Variants in FHOD3 observed in about 807,000 individuals in gnomAD.
The protein encoded by FHOD3 is formin homology 2 domain containing 3.
A neutral mutation model predicts 173.0 loss-of-function variants in FHOD3; 90 were observed. The ratio of observed to expected loss-of-function variants is 0.52; its 90% CI spans 0.44 to 0.62. The LOEUF is 0.62. FHOD3 is among the 20% of genes least tolerant of loss of function. The probability of loss-of-function intolerance (pLI) is 0.00; values close to 1 mark genes in which losing one functional copy is unlikely to be tolerated. For synonymous variants in FHOD3, 828 were observed against 823.0 expected (o/e 1.01, Z -0.10); for missense variants, 1,945 against 2,034.7 (o/e 0.96, Z 0.85).
intron 9 of FHOD3, among the ~76,000 whole-genome samples, chr18:36,619,735 G>A (rs1367915369): frequency 6.6e-6 from 1 of 152,224 alleles, no homozygotes; most frequent in East Asian, 1.9e-4. Context: ...CTCTAATGAG[G>A]TGCAGACAGC....
chr18:36,740,762 C>A lies in FHOD3; in HGVS notation c.3683C>A (p.Thr1228Asn). 1 of 1,614,080 alleles carries A rather than the reference C, an allele frequency of 6.2e-7. No individual in the cohort carries two copies. The highest frequency in any genetic ancestry group is 8.5e-7 in the Non-Finnish European group (1 of 1,180,018). Residue 1228 changes from threonine (T) to asparagine (N), a missense_variant, in exon 21 of 29, where the codon ACC becomes AAC. Physicochemically the swap from Thr to Asn is moderately conservative, Grantham distance 65. Transcript: ENST00000590592. ...PLGSAEQFLL[T>N]LSSISELSAR... is the part of the protein sequence containing the mutation. ...GGCAGTGCAGAGCAGTTCCTCCTCA[C>A]CCTGTCCTCCATCAGCGAGCTCTCT...
At chr18:36,349,209 C>T (rs1220111661) in intron 1 of FHOD3, among the ~76,000 whole-genome samples, 1 of 152,166 alleles carries the variant, frequency 6.6e-6, no homozygotes, top group Non-Finnish European at 1.5e-5. Context: ...CCGAGTCTTT[C>T]ACCCTCCAGT....
At chr18:36,662,438 G>A (rs1289808565) in intron 14 of FHOD3, among the ~76,000 whole-genome samples, 1 of 152,138 alleles carries the variant, frequency 6.6e-6, no homozygotes, top group Non-Finnish European at 1.5e-5. Context: ...GAAACCCAAA[G>A]GATCATATGC....
intron 20 of FHOD3, among the ~76,000 whole-genome samples, chr18:36,738,768 T>G (rs770368777): frequency 6.6e-6 from 1 of 152,252 alleles, no homozygotes; most frequent in Non-Finnish European, 1.5e-5. Flanking sequence ...TTCTGAACTG[T>G]CTGCTCTGTC....
chr18:36,620,664 A>G (rs1425620434), intron 9 of FHOD3, among the ~76,000 whole-genome samples: 2 of 152,236 alleles, frequency 1.3e-5, no homozygotes, highest in Non-Finnish European at 2.9e-5. Context: ...GATAGTGTCT[A>G]CCAGGTGCTG....
intron 2 of FHOD3, among the ~76,000 whole-genome samples, chr18:36,372,284 C>T (rs2047229981): frequency 6.6e-6 from 1 of 152,126 alleles, no homozygotes; most frequent in South Asian, 2.1e-4. Context: ...CCTATATCTG[C>T]CCCCAACCCC....
At chr18:36,609,530 A>G (rs1256086114) in intron 8 of FHOD3, among the ~76,000 whole-genome samples, 1 of 152,002 alleles carries the variant, frequency 6.6e-6, no homozygotes, top group African/African-American at 2.4e-5. Flanking sequence ...TGCGGAAATG[A>G]CAAATGACCT....
intron 3 of FHOD3, among the ~76,000 whole-genome samples, chr18:36,476,659 T>G (rs2145319233): frequency 6.6e-6 from 1 of 152,344 alleles, no homozygotes; most frequent in South Asian, 2.1e-4. Flanking sequence ...TCATGTCGAT[T>G]AGCTACTTCA....
chr18:36,361,702 GA>G (rs1306750418), intron 2 of FHOD3, among the ~76,000 whole-genome samples: 2 of 145,052 alleles, frequency 1.4e-5, no homozygotes, highest in Non-Finnish European at 3.0e-5. Context: ...AAAAAAAAAA[GA>G]AAAAAAAAGA....
At chr18:36,763,996 T>A (rs1397418164) in intron 27 of FHOD3, among the ~76,000 whole-genome samples, 1 of 152,234 alleles carries the variant, frequency 6.6e-6, no homozygotes, top group Non-Finnish European at 1.5e-5. Flanking sequence ...ATATTATGCT[T>A]TGGCAATGAA....
chr18:36,681,640 A>G (rs2038248682), intron 15 of FHOD3, 70 bp downstream of exon 15: 6 of 1,484,544 alleles, frequency 4.0e-6, no homozygotes, highest in Non-Finnish European at 2.7e-6. Flanking sequence ...TTACAACTGT[A>G]TACATTTAAT....
At chr18:36,700,170 A>C (rs2039504095) in intron 17 of FHOD3, among the ~76,000 whole-genome samples, 1 of 152,024 alleles carries the variant, frequency 6.6e-6, no homozygotes, top group Non-Finnish European at 1.5e-5. Flanking sequence ...GGGCCCTCGC[A>C]TTCCACCTGT....
rs193161235 is a variant in FHOD3, at chr18:36,434,169, A to G, written c.337+61425A>G. ...TTATGTTTGCCTATCTGAAGATCACAAAGATTTTATCCTCTGTTTTCTGGT... is the reference window on the plus strand; with the variant it reads ...TTATGTTTGCCTATCTGAAGATCACGAAGATTTTATCCTCTGTTTTCTGGT... On this transcript the variant is annotated intron_variant, in intron 3 of 28. Coordinates refer to ENST00000590592, the MANE Select transcript of FHOD3 (RefSeq NM_001281740.3). Among the ~76,000 whole-genome samples, 8 of 152,344 alleles carry G rather than the reference A, an allele frequency of 5.3e-5. No individual in the cohort carries two copies. The East Asian group carries it at 9.6e-4, about 18-fold the overall frequency.
intron 3 of FHOD3, among the ~76,000 whole-genome samples, chr18:36,501,018 C>G (rs1434512488): frequency 6.6e-6 from 1 of 152,150 alleles, no homozygotes; most frequent in Non-Finnish European, 1.5e-5. Flanking sequence ...TCACTCTGGC[C>G]AGCTAGTAAT....
Position 36,678,756 on chromosome 18 carries a change from T to C in FHOD3, c.1836-2680T>C, listed in dbSNP as rs112977188. ...GTTTTTCTCCAATAAACTATTAACG[T>C]GGTAAATTGTATTCATTTATACTGT... On this transcript the variant is annotated intron_variant, in intron 14 of 28. Coordinates refer to ENST00000590592, the MANE Select transcript of FHOD3 (RefSeq NM_001281740.3). Among the ~76,000 whole-genome samples the C allele has an allele frequency of 4.9e-3, 743 of 152,156 alleles. 7 individuals carry two copies. The highest frequency in any genetic ancestry group is 0.034 in the Middle Eastern group (10 of 294).
intron 18 of FHOD3, among the ~76,000 whole-genome samples, chr18:36,712,870 G>A (rs953707481): frequency 1.3e-4 from 20 of 151,294 alleles, no homozygotes; most frequent in Admixed American, 1.2e-3. Context: ...TTTGTAAGAG[G>A]CTAGAAAGAA....
intron 25 of FHOD3, among the ~76,000 whole-genome samples, chr18:36,758,545 A>C (rs991853277): frequency 6.6e-6 from 1 of 151,994 alleles, no homozygotes; most frequent in Non-Finnish European, 1.5e-5. Context: ...CTGCTGGAGC[A>C]GTTGTCTCAC....
intron 17 of FHOD3, among the ~76,000 whole-genome samples, chr18:36,701,228 TGGAGGAC>T (rs2039572234): frequency 6.6e-6 from 1 of 152,118 alleles, no homozygotes; most frequent in Non-Finnish European, 1.5e-5. Flanking sequence ...GAGCCATGGG[TGGAGGAC>T]ACATCTTTGA....
At chr18:36,695,493 A>T (rs762116238) in intron 17 of FHOD3, among the ~76,000 whole-genome samples, 40 of 152,218 alleles carry the variant, frequency 2.6e-4, no homozygotes, top group Non-Finnish European at 4.4e-4. Flanking sequence ...TTGAATCTGC[A>T]TATAACCAAG....
Sources: allele counts gnomAD v4.1 joint callset (sites outside exome capture counted in the v4.1 genomes callset), GRCh38; gene constraint gnomAD v4.1.1; transcripts MANE v1.5; gene names NCBI Gene and HGNC (gene_info 2026-07-23, HGNC 2026-07-21).